Variants in CDH5 observed in about 807,000 individuals in gnomAD.
CDH5 encodes cadherin 5.
CDH5 carries 28 observed loss-of-function variants against 62.0 expected under a neutral mutation model. That is an observed-to-expected ratio of 0.45 (90% CI 0.33 to 0.62). CDH5 has a LOEUF of 0.62. Ranked by LOEUF, CDH5 falls within the 20% of genes least tolerant of loss-of-function variation. The probability of loss-of-function intolerance (pLI) is 0.02; values close to 1 mark genes in which losing one functional copy is unlikely to be tolerated. For missense variants in CDH5, 940 were observed against 1,065.1 expected (o/e 0.88, Z 1.63); for synonymous variants, 464 against 445.8 (o/e 1.04, Z -0.52).
intron 5 of CDH5, 126 bp from the exon 6 acceptor site, chr16:66,390,274 GTAT>G (rs1961059087): frequency 8.8e-6 from 6 of 683,804 alleles, no homozygotes; most frequent in Non-Finnish European, 1.2e-5. Flanking sequence ...AATCCCAGGG[GTAT>G]TATTATTTAT....
chr16:66,384,111 G>A (rs979782743), intron 2 of CDH5, among the ~76,000 whole-genome samples: 1 of 119,120 alleles, frequency 8.4e-6, no homozygotes, highest in Non-Finnish European at 1.6e-5. Context: ...TTGAGTCTGA[G>A]TCTCGCTCTG....
chr16:66,390,875 T>G (rs956609198), intron 6 of CDH5, among the ~76,000 whole-genome samples: 1 of 151,846 alleles, frequency 6.6e-6, no homozygotes, highest in African/African-American at 2.4e-5. Context: ...CATCCCAGAG[T>G]TGGAGAAGCT....
intron 11 of CDH5, 53 bp from the exon 12 acceptor site, chr16:66,402,599 C>G: frequency 6.9e-7 from 1 of 1,458,864 alleles, no homozygotes; most frequent in Non-Finnish European, 9.0e-7. Flanking sequence ...GCATGGGGGG[C>G]CGCCCAGGCC....
intron 10 of CDH5, among the ~76,000 whole-genome samples, chr16:66,398,889 T>C (rs972469294): frequency 6.6e-6 from 1 of 152,202 alleles, no homozygotes; most frequent in Non-Finnish European, 1.5e-5. Flanking sequence ...TTCTGCCACA[T>C]ACATTGTACA....
chr16:66,384,338 C>T lies in CDH5; in HGVS notation c.211-2471C>T, dbSNP rs568377303. ...CAAACTTCTGACCTCAAGTGATCCA[C>T]CCACCTTGGACTCCCAAAGTGCTGG... On this transcript the variant is annotated intron_variant, in intron 2 of 11. Transcript: ENST00000341529. Among the ~76,000 whole-genome samples the T allele has an allele frequency of 3.5e-3, 538 of 151,550 alleles. 1 individual carries two copies. The highest frequency in any genetic ancestry group is 5.8e-3 in the Non-Finnish European group (393 of 67,894).
At position 66,403,109 on chromosome 16, in the gene CDH5, C is replaced by T. The variant is rs953211158; in HGVS notation, c.2295C>T (p.Pro765=). The stretch of plus-strand genomic sequence containing the variant: ...ACGACTTCCTTAACGACTGGGGACC[C>T]AGGTTTAAGATGCTGGCTGAGCTGT... ...VDYDFLNDWG[P]RFKMLAELYG... Residue 765 remains proline, a synonymous_variant, in exon 12 of 12, where the codon CCC becomes CCT. Coordinates refer to ENST00000341529, the MANE Select transcript of CDH5 (RefSeq NM_001795.5). This position sits in a 1 kb window ranked among gnomAD's most constrained non-coding sequence, Gnocchi z 4.3. 6.2e-6 allele frequency: 10 copies of T among 1,613,592 alleles called. No homozygotes were observed. Among genetic ancestry groups the T allele is most frequent in the African/African-American group, 1.3e-5 (1 of 74,916 alleles).
At position 66,403,120 on chromosome 16, in the gene CDH5, T is replaced by C. The variant is rs911715370; in HGVS notation, c.2306T>C (p.Met769Thr). The change falls in exon 12 of 12, where the codon ATG (methionine) becomes ACG (threonine). Residue 769 changes from methionine to threonine, a missense_variant. By Grantham distance (81) the Met-to-Thr change is moderately conservative. Transcript: ENST00000341529. This position sits in a 1 kb window ranked among gnomAD's most constrained non-coding sequence, Gnocchi z 4.3. ...AACGACTGGGGACCCAGGTTTAAGATGCTGGCTGAGCTGTACGGCTCGGAC... is the reference window on the plus strand; with the variant it reads ...AACGACTGGGGACCCAGGTTTAAGACGCTGGCTGAGCTGTACGGCTCGGAC... ...FLNDWGPRFK[M>T]LAELYGSDPR... is the part of the protein sequence containing the mutation. The C allele has an allele frequency of 1.9e-6, 3 of 1,613,648 alleles. No individual in the cohort carries two copies. The highest frequency in any genetic ancestry group is 2.2e-5 in the South Asian group (2 of 91,022).
At chr16:66,402,604 C>T in intron 11 of CDH5, 48 bp from the exon 12 acceptor site, 1 of 1,474,668 alleles carries the variant, frequency 6.8e-7, no homozygotes, top group South Asian at 1.4e-5. Context: ...GGGGGCCGCC[C>T]AGGCCCCCAG....
chr16:66,404,742 A>T lies in CDH5; in HGVS notation c.*1573A>T, dbSNP rs1342313206. The T allele has an allele frequency of 6.6e-6, 1 of 152,662 alleles. No homozygotes were observed. The highest frequency in any genetic ancestry group is 2.4e-5 in the African/African-American group (1 of 41,540). 9.5% of individuals were successfully genotyped at this position (152,662 alleles called of 1,614,324 possible). A position where few individuals can be genotyped will look rare whatever the true frequency, so the allele number is the denominator to read the frequency against. ...CAAACTGGTGCATGACAAGTACTGT[A>T]TTTTTTTATACCTAAATAAAGAAAA... On this transcript the variant is annotated 3_prime_UTR_variant, in exon 12 of 12. Transcript: ENST00000341529.
chr16:66,373,504 C>T (rs1039571720), intron 1 of CDH5, among the ~76,000 whole-genome samples: 1 of 151,862 alleles, frequency 6.6e-6, no homozygotes, highest in Non-Finnish European at 1.5e-5. Context: ...CAACCCCCGC[C>T]TCCCAGGTTC....
intron 1 of CDH5, among the ~76,000 whole-genome samples, chr16:66,378,770 C>A (rs1219616300): frequency 6.6e-6 from 1 of 152,214 alleles, no homozygotes; most frequent in African/African-American, 2.4e-5. Flanking sequence ...GAAATGGTTT[C>A]CACGTCTATT....
rs750727557 is a variant in CDH5, at chr16:66,403,058, C to G, written c.2244C>G (p.Thr748=). ...SIAESLSSLG[T]DSSDSDVDYD... ...CCGAGTCCCTCAGCTCCCTGGGCAC[C>G]GACTCATCCGACTCTGACGTGGATT... Residue 748 remains threonine (T), a synonymous_variant, in exon 12 of 12, where the codon ACC becomes ACG. Transcript: ENST00000341529. This position sits in a 1 kb window ranked among gnomAD's most constrained non-coding sequence, Gnocchi z 4.3. 2.0e-5 allele frequency: 33 copies of G among 1,613,294 alleles called. No homozygotes were observed. Among genetic ancestry groups the G allele is most frequent in the Non-Finnish European group, 2.8e-5 (33 of 1,179,766 alleles).
intron 2 of CDH5, among the ~76,000 whole-genome samples, chr16:66,382,430 C>T (rs768188514): frequency 6.6e-6 from 1 of 152,174 alleles, no homozygotes. Flanking sequence ...GGAAAACCAG[C>T]ATTCCTGACT....
intron 1 of CDH5, chr16:66,376,448 C>T (rs1596928228): frequency 6.6e-6 from 1 of 152,184 alleles, no homozygotes; most frequent in African/African-American, 2.4e-5. Flanking sequence ...ACCACATTCC[C>T]GCTCACTGTA....
intron 1 of CDH5, among the ~76,000 whole-genome samples, chr16:66,370,496 T>C (rs1308117685): frequency 6.6e-6 from 1 of 152,076 alleles, no homozygotes; most frequent in Non-Finnish European, 1.5e-5. Context: ...AATATACAGA[T>C]TTGTTTCTAA....
At chr16:66,376,723 AG>A (rs2142311945) in intron 1 of CDH5, 1 of 152,360 alleles carries the variant, frequency 6.6e-6, no homozygotes, top group Admixed American at 6.5e-5. Flanking sequence ...CTGGCCTCAC[AG>A]GCTCAGCCAG....
At chr16:66,374,953 C>G (rs1436344670) in intron 1 of CDH5, among the ~76,000 whole-genome samples, 1 of 152,080 alleles carries the variant, frequency 6.6e-6, no homozygotes, top group Non-Finnish European at 1.5e-5. Context: ...CCCTCTCCCC[C>G]CACCCCACGA....
At chr16:66,376,533 C>T (rs1226901180) in intron 1 of CDH5, 1 of 152,208 alleles carries the variant, frequency 6.6e-6, no homozygotes, top group Non-Finnish European at 1.5e-5. Context: ...GAAGGGACTG[C>T]TTCAGAGAGG....
In CDH5 at chr16:66,398,499, G is replaced by C. The variant is rs781712628; in HGVS notation, c.1529G>C (p.Arg510Pro). 2 of 1,610,414 alleles carry C rather than the reference G, an allele frequency of 1.2e-6. No homozygotes were observed. The highest frequency in any genetic ancestry group is 1.7e-6 in the Non-Finnish European group (2 of 1,176,558). ...ISAIDKDITPRNVKFKFILNT... is the reference protein window; with the variant it reads ...ISAIDKDITPPNVKFKFILNT... ...GCAATAGACAAGGACATAACACCAC[G>C]AAACGTGAAGTTCAAATTCATCTTG... Residue 510 changes from arginine to proline, a missense_variant, in exon 10 of 12, where the codon CGA becomes CCA. Transcript: ENST00000341529.
Sources: gnomAD v4.1 joint callset for allele counts (sites outside exome capture counted in the v4.1 genomes callset) on GRCh38, gnomAD v4.1.1 for gene constraint, Gnocchi (gnomAD v3.1) non-coding constraint, MANE v1.5 for transcripts, NCBI Gene and HGNC (gene_info 2026-07-23, HGNC 2026-07-21) for gene names.